Variants in ZMAT4 observed in about 807,000 individuals in gnomAD.
ZMAT4 encodes zinc finger matrin-type protein 4.
Under a neutral mutation model 28.7 loss-of-function variants are expected in ZMAT4, and 17 were observed. The ratio of observed to expected loss-of-function variants is 0.59; its 90% CI spans 0.41 to 0.89. The LOEUF (loss-of-function observed/expected upper bound fraction) is 0.89. ZMAT4 is among the 40% of genes least tolerant of loss of function. The pLI is 0.00. For missense variants in ZMAT4, 240 were observed against 283.8 expected (o/e 0.85, Z 1.11); for synonymous variants, 117 against 109.2 (o/e 1.07, Z -0.44).
intron 3 of ZMAT4, among the ~76,000 whole-genome samples, chr8:40,736,210 G>A (rs1473690393): frequency 6.6e-6 from 1 of 152,138 alleles, no homozygotes; most frequent in Non-Finnish European, 1.5e-5. Flanking sequence ...ACTGAGTCCA[G>A]GCAAACACAT....
chr8:40,694,439 A>T (rs1809787459), intron 4 of ZMAT4, among the ~76,000 whole-genome samples: 1 of 152,136 alleles, frequency 6.6e-6, no homozygotes. Flanking sequence ...GTGTCCTGCC[A>T]TGGTCTTCTC....
intron 2 of ZMAT4, among the ~76,000 whole-genome samples, chr8:40,820,398 GTA>G (rs1390288699): frequency 1.5e-5 from 2 of 132,820 alleles, no homozygotes; most frequent in Non-Finnish European, 3.2e-5. Context: ...GTGTTTGTGT[GTA>G]TGTGTGTGAA....
At chr8:40,680,514 G>GCT (rs1809110502) in intron 4 of ZMAT4, among the ~76,000 whole-genome samples, 1 of 152,084 alleles carries the variant, frequency 6.6e-6, no homozygotes, top group Non-Finnish European at 1.5e-5. Context: ...AGATCTCAAA[G>GCT]CTCTGTCAGA....
At chr8:40,834,133 C>T (rs956568421) in intron 1 of ZMAT4, among the ~76,000 whole-genome samples, 2 of 152,230 alleles carry the variant, frequency 1.3e-5, no homozygotes, top group African/African-American at 4.8e-5. Flanking sequence ...CACTGCTGGG[C>T]ACATGCACCT....
chr8:40,727,518 C>A (rs181498350), intron 3 of ZMAT4, among the ~76,000 whole-genome samples: 5 of 152,216 alleles, frequency 3.3e-5, no homozygotes, highest in Admixed American at 2.0e-4. Context: ...TATAGATTAG[C>A]TGAAATGAGT....
chr8:40,550,964 C>A (rs933618181), intron 6 of ZMAT4, among the ~76,000 whole-genome samples: 3 of 152,120 alleles, frequency 2.0e-5, no homozygotes, highest in Admixed American at 1.3e-4. Flanking sequence ...AACTATATAA[C>A]AGAACCACTA....
At chr8:40,728,720 C>T (rs922612149) in intron 3 of ZMAT4, among the ~76,000 whole-genome samples, 1 of 152,312 alleles carries the variant, frequency 6.6e-6, no homozygotes, top group South Asian at 2.1e-4. Flanking sequence ...CACACAAATG[C>T]TTGGATCTTA....
chr8:40,742,831 TG>T (rs1438810565), intron 3 of ZMAT4, among the ~76,000 whole-genome samples: 1 of 150,544 alleles, frequency 6.6e-6, no homozygotes, highest in Non-Finnish European at 1.5e-5. Context: ...TTTCACAAAC[TG>T]GGGAAAAAGC....
chr8:40,757,442 C>T (rs575832792), intron 3 of ZMAT4, among the ~76,000 whole-genome samples: 4 of 151,978 alleles, frequency 2.6e-5, no homozygotes, highest in South Asian at 2.1e-4. Context: ...AAAAATTAGC[C>T]GGGCATGATG....
chr8:40,784,183 G>C (rs1813965521), intron 2 of ZMAT4, among the ~76,000 whole-genome samples: 2 of 152,102 alleles, frequency 1.3e-5, no homozygotes. Flanking sequence ...AAACCCTTAA[G>C]TAAAACTGAA....
chr8:40,601,629 AG>A (rs1805361609), intron 5 of ZMAT4, among the ~76,000 whole-genome samples: 1 of 25,980 alleles, frequency 3.8e-5, no homozygotes. Context: ...AAAGAAAGAA[AG>A]AAAGAGAAAG....
At chr8:40,805,242 C>G (rs1371902747) in intron 2 of ZMAT4, among the ~76,000 whole-genome samples, 2 of 150,336 alleles carry the variant, frequency 1.3e-5, no homozygotes, top group Non-Finnish European at 3.0e-5. Flanking sequence ...CAATGAGATA[C>G]CATCTCACAC....
chr8:40,683,735 A>T (rs1809274941), intron 4 of ZMAT4, among the ~76,000 whole-genome samples: 1 of 152,174 alleles, frequency 6.6e-6, no homozygotes, highest in African/African-American at 2.4e-5. Flanking sequence ...TAAGAAGGAA[A>T]CAAAAATGTT....
chr8:40,759,281 CAAAAAAAAA>C (rs55670597), intron 3 of ZMAT4, among the ~76,000 whole-genome samples: 1 of 101,292 alleles, frequency 9.9e-6, no homozygotes. Context: ...GACTCCATCT[CAAAAAAAAA>C]AAAAAAAAAA....
rs566309789 is a variant in ZMAT4, at chr8:40,859,703, G to A, written c.-4-34023C>T. On this transcript the variant is annotated intron_variant, in intron 1 of 6. Transcript: ENST00000297737. ...AGAGATGCACTAATTGCCAATGGGC[G>A]GTGGAGAATGTAAATTACCCTGCAG... Among the ~76,000 whole-genome samples, 23 of 152,232 alleles carry A rather than the reference G, an allele frequency of 1.5e-4. No homozygotes were observed. In the East Asian group the frequency reaches 3.7e-3, roughly 24 times the overall value.
chr8:40,749,022 T>G (rs1268982160), intron 3 of ZMAT4, among the ~76,000 whole-genome samples: 2 of 152,140 alleles, frequency 1.3e-5, no homozygotes, highest in East Asian at 3.9e-4. Flanking sequence ...TTATAAGGGG[T>G]AACCCCTTTC....
intron 1 of ZMAT4, among the ~76,000 whole-genome samples, chr8:40,868,270 G>A (rs1487540740): frequency 6.6e-6 from 1 of 152,154 alleles, no homozygotes; most frequent in East Asian, 1.9e-4. Context: ...CAGGATATCA[G>A]GAGACAGAGT....
chr8:40,862,616 A>G (rs1372054853), intron 1 of ZMAT4, among the ~76,000 whole-genome samples: 2 of 148,616 alleles, frequency 1.3e-5, no homozygotes, highest in African/African-American at 2.5e-5. Context: ...TTTGGCACAT[A>G]TACACCATGG....
chr8:40,601,503 A>AAGAAAGAAAGAAAGAG (rs1563360176), intron 5 of ZMAT4, among the ~76,000 whole-genome samples: 1 of 127,126 alleles, frequency 7.9e-6, no homozygotes, highest in Non-Finnish European at 1.7e-5. Flanking sequence ...GAGAGAAAGA[A>AAGAAAGAAAGAAAGAG]AGAAAGAGAA....
Sources: allele counts gnomAD v4.1 joint callset (sites outside exome capture counted in the v4.1 genomes callset), GRCh38; gene constraint gnomAD v4.1.1; transcripts MANE v1.5; gene names NCBI Gene and HGNC (gene_info 2026-07-23, HGNC 2026-07-21).